The following PDE1C variants were observed in gnomAD, a reference collection of about 807,000 sequenced individuals.
PDE1C encodes phosphodiesterase 1C.
Under a neutral mutation model 93.1 loss-of-function variants are expected in PDE1C, and 62 were observed. That is an observed-to-expected ratio of 0.67 (90% CI 0.54 to 0.82). PDE1C has a LOEUF of 0.82. Ranked by LOEUF, PDE1C falls within the 40% of genes least tolerant of loss-of-function variation. The probability of loss-of-function intolerance (pLI) is 0.00; values close to 1 mark genes in which losing one functional copy is unlikely to be tolerated. For synonymous variants in PDE1C, 325 were observed against 310.1 expected, an observed-to-expected ratio of 1.05 and a Z score of -0.50; for missense variants, 742 against 884.6, an observed-to-expected ratio of 0.84 and a Z score of 2.04.
At chr7:32,326,829 A>G (rs1377400226) in intron 1 of PDE1C, among the ~76,000 whole-genome samples, 1 of 152,218 alleles carries the variant, frequency 6.6e-6, no homozygotes, top group Admixed American at 6.5e-5. Context: ...CAATAACAGC[A>G]TGTTTGCATG....
At chr7:32,074,676 T>C (rs1441907824), upstream of PDE1C, among the ~76,000 whole-genome samples, 1 of 151,990 alleles carries the variant, frequency 6.6e-6, no homozygotes, top group East Asian at 1.9e-4. Context: ...GTGGGGAAAT[T>C]AGGAAGGCTT....
At chr7:31,653,107 G>A in the PDE1C span, 1 of 606,560 alleles carries the variant, frequency 1.6e-6, no homozygotes, top group Non-Finnish European at 2.4e-6. Flanking sequence ...AGTGTAGTGG[G>A]GGAGATAGAA....
At chr7:32,027,607 TAAAAAAAAAAAAAA>T (rs551660766) in intron 2 of PDE1C, among the ~76,000 whole-genome samples, 135 of 78,480 alleles carry the variant, frequency 1.7e-3, no homozygotes, top group Middle Eastern at 7.7e-3. Flanking sequence ...TCAAAAATGG[TAAAAAAAAAAAAAA>T]AAAAAAAAAA....
At chr7:32,071,359 A>G (rs960967350), upstream of PDE1C, 2 of 985,370 alleles carry the variant, frequency 2.0e-6, no homozygotes, top group African/African-American at 3.5e-5. Flanking sequence ...AACCGGATCC[A>G]TTTTGAAATA....
At chr7:31,747,036 G>T (rs904265807), downstream of PDE1C, among the ~76,000 whole-genome samples, 3 of 152,164 alleles carry the variant, frequency 2.0e-5, no homozygotes, top group African/African-American at 7.2e-5. Flanking sequence ...ATCAATCCTG[G>T]CCTAAGAGGG....
chr7:31,684,725 C>T, the PDE1C span, among the ~76,000 whole-genome samples: 4 of 152,190 alleles, frequency 2.6e-5, no homozygotes, highest in African/African-American at 9.7e-5. Flanking sequence ...GATATTACTA[C>T]TGAACCTACC....
chr7:32,394,215 C>T (rs548166181), intron 1 of PDE1C, among the ~76,000 whole-genome samples: 2 of 152,236 alleles, frequency 1.3e-5, no homozygotes, highest in East Asian at 3.9e-4. Context: ...TTTCTTCAAA[C>T]AATACAGGAT....
chr7:32,085,447 C>T (rs1348726198), intron 3 of PDE1C, among the ~76,000 whole-genome samples: 1 of 147,686 alleles, frequency 6.8e-6, no homozygotes, highest in Non-Finnish European at 1.5e-5. Context: ...GGTACCATTC[C>T]TTCTGAAACT....
At chr7:31,828,109 C>T (rs1020948520) in intron 12 of PDE1C, among the ~76,000 whole-genome samples, 183 bp downstream of exon 12, 1 of 152,126 alleles carries the variant, frequency 6.6e-6, no homozygotes, top group South Asian at 2.1e-4. Context: ...CTCCCATGAA[C>T]AAGCCACATT....
chr7:32,424,790 G>A (rs1398187105), intron 1 of PDE1C, among the ~76,000 whole-genome samples: 2 of 151,984 alleles, frequency 1.3e-5, no homozygotes, highest in African/African-American at 4.8e-5. Context: ...GTGGTCCCAC[G>A]GCACTCCAGC....
At chr7:32,095,372 C>T (rs1797696607) in intron 3 of PDE1C, among the ~76,000 whole-genome samples, 1 of 152,224 alleles carries the variant, frequency 6.6e-6, no homozygotes. Context: ...AGCACCCTTC[C>T]ATGGCCGGAC....
At chr7:32,148,343 T>C (rs1185041458) in intron 3 of PDE1C, among the ~76,000 whole-genome samples, 1 of 152,188 alleles carries the variant, frequency 6.6e-6, no homozygotes, top group Non-Finnish European at 1.5e-5. Context: ...ATGTAATTAA[T>C]ATTAAAATTA....
At chr7:32,308,504 C>T (rs1813077949) in intron 1 of PDE1C, among the ~76,000 whole-genome samples, 1 of 152,208 alleles carries the variant, frequency 6.6e-6, no homozygotes, top group Non-Finnish European at 1.5e-5. Flanking sequence ...ACTGACACCT[C>T]ACACGGCTGG....
chr7:31,637,466 T>C, the PDE1C span, among the ~76,000 whole-genome samples: 4 of 152,340 alleles, frequency 2.6e-5, no homozygotes, highest in East Asian at 5.8e-4. Flanking sequence ...GTGGTTTTGA[T>C]TTGCATTTCT....
At position 31,766,117 on chromosome 7, in the gene PDE1C, G is replaced by A. The variant is rs541634273; in HGVS notation, c.1960+9547C>T. On this transcript the variant is annotated intron_variant, in intron 17 of 17. Transcript: ENST00000396191. ...ATCTGTGGTTGGGCCCGGCGCGGTG[G>A]CTCATGCCTGTAATCTCAGCACTTT... 9.9e-5 allele frequency among the ~76,000 whole-genome samples: 15 copies of A among 152,278 alleles called. No homozygotes were observed. The South Asian group carries it at 3.1e-3, about 32-fold the overall frequency.
intron 1 of PDE1C, among the ~76,000 whole-genome samples, chr7:32,212,588 C>T (rs1042412078): frequency 1.3e-5 from 2 of 152,198 alleles, no homozygotes; most frequent in Non-Finnish European, 2.9e-5. Flanking sequence ...CTCCAGCACT[C>T]GGTCACATGC....
At chr7:32,019,703 T>G (rs1216562931) in intron 2 of PDE1C, among the ~76,000 whole-genome samples, 1 of 151,964 alleles carries the variant, frequency 6.6e-6, no homozygotes, top group African/African-American at 2.4e-5. Context: ...ATTTTACATG[T>G]TGAACGGACA....
At chr7:31,670,414 T>C in the PDE1C span, among the ~76,000 whole-genome samples, 1 of 152,198 alleles carries the variant, frequency 6.6e-6, no homozygotes, top group African/African-American at 2.4e-5. Context: ...TGGTTACAGA[T>C]CCTGTTAATC....
intron 6 of PDE1C, among the ~76,000 whole-genome samples, chr7:31,870,197 A>C (rs1795763312): frequency 6.6e-6 from 1 of 151,998 alleles, no homozygotes; most frequent in African/African-American, 2.4e-5. Context: ...TCAATGAAAA[A>C]GAAAGCAATA....
Sources: gnomAD v4.1 joint callset for allele counts (sites outside exome capture counted in the v4.1 genomes callset) on GRCh38, gnomAD v4.1.1 for gene constraint, MANE v1.5 for transcripts, NCBI Gene and HGNC (gene_info 2026-07-23, HGNC 2026-07-21) for gene names.